The following AHI1 variants were observed in gnomAD, a reference collection of about 807,000 sequenced individuals.
AHI1 encodes Abelson helper integration site 1.
Under a neutral mutation model 149.3 loss-of-function variants are expected in AHI1, and 123 were observed. The ratio of observed to expected loss-of-function variants is 0.82; its 90% confidence interval spans 0.71 to 0.96. The LOEUF is 0.96. AHI1 is among the 40% of genes least tolerant of loss of function. AHI1 has a pLI of 0.00. For missense variants in AHI1, 1,439 were observed against 1,422.7 expected (o/e 1.01, Z -0.18); for synonymous variants, 475 against 459.8 (o/e 1.03, Z -0.42).
chr6:135,421,643 T>C (rs889602369), intron 20 of AHI1, among the ~76,000 whole-genome samples: 1 of 152,036 alleles, frequency 6.6e-6, no homozygotes, highest in Non-Finnish European at 1.5e-5. Context: ...ATTAGTGCAA[T>C]TAAAAACACC....
chr6:135,376,951 T>A (rs1195987288), intron 23 of AHI1, among the ~76,000 whole-genome samples: 1 of 125,540 alleles, frequency 8.0e-6, no homozygotes, highest in East Asian at 2.6e-4. Flanking sequence ...AAAGTCAATG[T>A]CATAACAACC....
intron 23 of AHI1, among the ~76,000 whole-genome samples, chr6:135,376,568 A>G (rs1266830085): frequency 6.6e-6 from 1 of 152,082 alleles, no homozygotes; most frequent in East Asian, 1.9e-4. Flanking sequence ...AATACATTCA[A>G]AATGTTGGAC....
chr6:135,350,190 G>A (rs1356481908), intron 24 of AHI1, among the ~76,000 whole-genome samples: 2 of 152,062 alleles, frequency 1.3e-5, no homozygotes, highest in African/African-American at 4.8e-5. Flanking sequence ...CTCATGACAA[G>A]CCTCTTCAAT....
At chr6:135,425,610 A>G (rs1783810041) in intron 20 of AHI1, among the ~76,000 whole-genome samples, 1 of 151,912 alleles carries the variant, frequency 6.6e-6, no homozygotes, top group South Asian at 2.1e-4. Context: ...TAGGACAGGT[A>G]TTAGTACTGT....
At chr6:135,382,952 T>TAC (rs1333599844) in intron 23 of AHI1, among the ~76,000 whole-genome samples, 1 of 83,986 alleles carries the variant, frequency 1.2e-5, no homozygotes, top group African/African-American at 4.0e-5. Flanking sequence ...TATATATATA[T>TAC]ATACATATAA....
At chr6:135,363,915 C>T (rs1418248135) in intron 23 of AHI1, among the ~76,000 whole-genome samples, 8 of 147,582 alleles carry the variant, frequency 5.4e-5, no homozygotes, top group Non-Finnish European at 9.0e-5. Flanking sequence ...ACCTCCCTCC[C>T]GGATGGGGCG....
At chr6:135,445,069 C>T (rs1464739081) in intron 13 of AHI1, among the ~76,000 whole-genome samples, 1 of 152,146 alleles carries the variant, frequency 6.6e-6, no homozygotes. Context: ...GGAAGTTCCC[C>T]AAGGGCATAA....
In AHI1 at chr6:135,433,230, GT is replaced by G. The variant is rs1408024506; in HGVS notation, c.2062del (p.Thr688GlnfsTer22). 3.1e-6 allele frequency: 5 copies of G among 1,608,116 alleles called. No individual in the cohort carries two copies. The African/African-American group carries it at 6.7e-5, about 22-fold the overall frequency. Reference sequence around the variant, plus strand: ...ATGAGGTAAAACTCTGAAAGTATTTGTATTGTTTATTTCATTTTTCCATATC... The same window carrying G: ...ATGAGGTAAAACTCTGAAAGTATTTGATTGTTTATTTCATTTTTCCATATC... ...ARIWKNEINNTNTFRVLPHPS... is the reference protein window; with the variant it reads ...ARIWKNEINNXNTFRVLPHPS... On this transcript the variant is annotated frameshift_variant, in exon 16 of 29. Transcript: ENST00000265602. LOFTEE classifies it high-confidence loss of function.
intron 22 of AHI1, among the ~76,000 whole-genome samples, chr6:135,402,789 CTTACT>C (rs1187026961): frequency 1.3e-5 from 2 of 152,240 alleles, no homozygotes; most frequent in East Asian, 3.9e-4. Context: ...TGTTCTCTGG[CTTACT>C]TTAAGAATAT....
intron 5 of AHI1, among the ~76,000 whole-genome samples, chr6:135,489,077 AT>A (rs1456967016): frequency 1.3e-5 from 2 of 152,232 alleles, no homozygotes; most frequent in African/African-American, 2.4e-5. Context: ...GAAAGCAGCT[AT>A]TCCTCTTTTA....
Position 135,428,692 on chromosome 6 carries a change from A to G in AHI1, c.2560T>C (p.Cys854Arg), listed in dbSNP as rs1387769677. Reference protein sequence around the residue: ...REKIHSTLTPCGTFLFAGSED... With the variant: ...REKIHSTLTPRGTFLFAGSED... ...CTTCCAGCAAACAGAAAAGTCCCAC[A>G]TGGAGTCAAAGTACTATGAATCTTC... Residue 854 changes from cysteine to arginine, a missense_variant, in exon 19 of 29, where the codon TGT becomes CGT. By Grantham distance (180) the Cys-to-Arg change is radical. Transcript: ENST00000265602. The G allele has an allele frequency of 2.5e-6, 4 of 1,609,012 alleles. No individual in the cohort carries two copies. The African/African-American group carries it at 4.0e-5, about 16-fold the overall frequency.
At chr6:135,415,233 T>C (rs1379674035) in intron 20 of AHI1, among the ~76,000 whole-genome samples, 1 of 152,096 alleles carries the variant, frequency 6.6e-6, no homozygotes, top group African/African-American at 2.4e-5. Flanking sequence ...TTTGGGTTGG[T>C]TCCAAGTCTT....
intron 4 of AHI1, among the ~76,000 whole-genome samples, chr6:135,491,859 C>G (rs1431939138): frequency 6.6e-6 from 1 of 152,154 alleles, no homozygotes; most frequent in African/African-American, 2.4e-5. Context: ...CAGAGTTGAG[C>G]AGTTATAGCA....
intron 22 of AHI1, among the ~76,000 whole-genome samples, chr6:135,403,027 T>A (rs1336165762): frequency 1.3e-5 from 2 of 152,122 alleles, no homozygotes; most frequent in African/African-American, 4.8e-5. Context: ...GTAAAAGAAG[T>A]CAGTTATAAA....
At chr6:135,459,367 C>G (rs1324681602) in intron 8 of AHI1, among the ~76,000 whole-genome samples, 1 of 152,008 alleles carries the variant, frequency 6.6e-6, no homozygotes, top group Admixed American at 6.5e-5. Flanking sequence ...TAAAGTAGTA[C>G]TTAAATGGGA....
At chr6:135,414,628 T>C (rs1013073106) in intron 20 of AHI1, among the ~76,000 whole-genome samples, 7 of 151,802 alleles carry the variant, frequency 4.6e-5, no homozygotes, top group African/African-American at 1.7e-4. Context: ...GAGAAAAGAT[T>C]TGAAAAGACA....
intron 24 of AHI1, among the ~76,000 whole-genome samples, chr6:135,344,909 T>C (rs766020933): frequency 1.7e-4 from 24 of 143,030 alleles, no homozygotes; most frequent in Non-Finnish European, 2.3e-4. Flanking sequence ...TCTCAGTTTA[T>C]TGAAATAAGC....
intron 24 of AHI1, among the ~76,000 whole-genome samples, chr6:135,330,284 T>C (rs1788356355): frequency 6.6e-6 from 1 of 152,202 alleles, no homozygotes; most frequent in Admixed American, 6.5e-5. Flanking sequence ...ATTTTTGTCT[T>C]ATTTTAAGAA....
intron 26 of AHI1, among the ~76,000 whole-genome samples, chr6:135,310,721 G>A (rs1785082334): frequency 1.3e-5 from 2 of 152,026 alleles, no homozygotes; most frequent in Non-Finnish European, 2.9e-5. Context: ...AAGAATATAA[G>A]CAAAAATAAC....
Sources: gnomAD v4.1 joint callset for allele counts (sites outside exome capture counted in the v4.1 genomes callset) on GRCh38, gnomAD v4.1.1 for gene constraint, MANE v1.5 for transcripts, NCBI Gene and HGNC (gene_info 2026-07-23, HGNC 2026-07-21) for gene names.